The following CAST variants were observed in gnomAD, a reference collection of about 807,000 sequenced individuals.
CAST encodes the protein calpastatin.
CAST carries 76 observed loss-of-function variants against 119.6 expected under a neutral mutation model. The observed-to-expected ratio is 0.64, with a 90% confidence interval of 0.53 to 0.77. The LOEUF (loss-of-function observed/expected upper bound fraction) is 0.77, where lower values mean the gene tolerates loss of function less well. Among genes scored for constraint, CAST ranks in the 30% least tolerant of loss-of-function variants. The probability of loss-of-function intolerance (pLI) is 0.00; values close to 1 mark genes in which losing one functional copy is unlikely to be tolerated. For missense variants in CAST, 953 were observed against 946.5 expected (o/e 1.01, Z -0.09); for synonymous variants, 319 against 331.6 (o/e 0.96, Z 0.41).
the CAST span, among the ~76,000 whole-genome samples, chr5:96,424,288 C>A: frequency 6.6e-6 from 1 of 152,092 alleles, no homozygotes; most frequent in African/African-American, 2.4e-5. Flanking sequence ...GGTGGGGTGA[C>A]AAGTATTTGC....
chr5:96,510,352 A>G, the CAST span, among the ~76,000 whole-genome samples: 1 of 152,230 alleles, frequency 6.6e-6, no homozygotes, highest in Non-Finnish European at 1.5e-5. Context: ...AGTAAATACA[A>G]TTCACCCAGG....
chr5:96,166,701 T>C, the CAST span, among the ~76,000 whole-genome samples: 1 of 152,210 alleles, frequency 6.6e-6, no homozygotes, highest in Non-Finnish European at 1.5e-5. Context: ...TTGGCAATCA[T>C]GAGGTTCATT....
At chr5:96,046,065 A>G in the CAST span, among the ~76,000 whole-genome samples, 1 of 152,170 alleles carries the variant, frequency 6.6e-6, no homozygotes, top group African/African-American at 2.4e-5. Context: ...AAACAGAGCA[A>G]GTACAAAGTC....
chr5:96,470,775 T>C, the CAST span, among the ~76,000 whole-genome samples: 3 of 152,098 alleles, frequency 2.0e-5, no homozygotes, highest in African/African-American at 7.2e-5. Flanking sequence ...GAGAGAGTTG[T>C]GAACTATATT....
chr5:96,719,114 G>T lies in CAST; in HGVS notation c.211-3525G>T, dbSNP rs112958315. 3.3e-5 allele frequency among the ~76,000 whole-genome samples: 5 copies of T among 152,140 alleles called. No homozygotes were observed. The South Asian group carries it at 8.3e-4, about 25-fold the overall frequency. On this transcript the variant is annotated intron_variant, in intron 3 of 31. Transcript: ENST00000675179. ...TGTTCCATCAGCTACATGTAGTGGC[G>T]CAATGGATGAGCCCGCATCCTAGGA...
chr5:96,018,767 T>C, the CAST span, among the ~76,000 whole-genome samples: 1 of 152,338 alleles, frequency 6.6e-6, no homozygotes, highest in Non-Finnish European at 1.5e-5. Flanking sequence ...TGTAGTAAAG[T>C]ACTGATGTTT....
the CAST span, among the ~76,000 whole-genome samples, chr5:96,068,247 G>A: frequency 6.6e-6 from 1 of 152,012 alleles, no homozygotes; most frequent in African/African-American, 2.4e-5. Flanking sequence ...TCTGAACCCT[G>A]GTCTCTTAGA....
At chr5:95,990,847 TC>T in the CAST span, among the ~76,000 whole-genome samples, 1 of 152,086 alleles carries the variant, frequency 6.6e-6, no homozygotes, top group Non-Finnish European at 1.5e-5. Context: ...CAAGTGATAC[TC>T]CCACCTCAGC....
chr5:96,566,000 T>A (rs261225), intron 1 of CAST, among the ~76,000 whole-genome samples: 14,052 of 152,052 alleles, frequency 0.092, 1,147 homozygotes, highest in East Asian at 0.31. Flanking sequence ...AGGCGGAGAA[T>A]CATCAGCCCT....
the CAST span, among the ~76,000 whole-genome samples, chr5:96,036,671 G>A: frequency 6.6e-6 from 1 of 152,104 alleles, no homozygotes; most frequent in Non-Finnish European, 1.5e-5. Flanking sequence ...GTAAGACTTG[G>A]TTGCAGATTA....
chr5:96,152,829 T>C, the CAST span, among the ~76,000 whole-genome samples: 3 of 152,204 alleles, frequency 2.0e-5, no homozygotes, highest in African/African-American at 7.2e-5. Flanking sequence ...CTTTTTCCCA[T>C]TGGTGCAAAG....
chr5:96,590,323 G>A (rs757845362), intron 1 of CAST, among the ~76,000 whole-genome samples: 65 of 152,198 alleles, frequency 4.3e-4, no homozygotes, highest in Non-Finnish European at 7.8e-4. Flanking sequence ...AGTTAACATT[G>A]ATACTTGGAA....
chr5:96,052,077 T>C, the CAST span, among the ~76,000 whole-genome samples: 2 of 152,192 alleles, frequency 1.3e-5, no homozygotes, highest in Admixed American at 1.3e-4. Flanking sequence ...GAGTTATTGC[T>C]GATATCATTG....
At chr5:96,110,133 A>G in the CAST span, among the ~76,000 whole-genome samples, 506 of 152,334 alleles carry the variant, frequency 3.3e-3, 5 homozygotes, top group African/African-American at 0.011. Flanking sequence ...ATGGGGTGAC[A>G]TACAACACCA....
At chr5:96,577,973 C>G (rs1477340030) in intron 1 of CAST, among the ~76,000 whole-genome samples, 1 of 152,052 alleles carries the variant, frequency 6.6e-6, no homozygotes, top group African/African-American at 2.4e-5. Flanking sequence ...TTGTTCAGAT[C>G]TTCTATATCC....
the CAST span, among the ~76,000 whole-genome samples, chr5:96,164,705 C>T: frequency 3.9e-5 from 6 of 152,124 alleles, no homozygotes; most frequent in South Asian, 2.1e-4. Flanking sequence ...AGAAGGGAAG[C>T]GTGCAGAGAG....
At chr5:96,250,904 C>T in the CAST span, among the ~76,000 whole-genome samples, 1 of 152,058 alleles carries the variant, frequency 6.6e-6, no homozygotes. Context: ...ACAGGGAAGC[C>T]CTTACTTGGG....
chr5:96,607,211 C>T (rs1394808487), intron 1 of CAST, among the ~76,000 whole-genome samples: 5 of 152,236 alleles, frequency 3.3e-5, no homozygotes, highest in East Asian at 1.9e-4. Context: ...TGGAGGGAAC[C>T]CTGAAGGCGG....
the CAST span, among the ~76,000 whole-genome samples, chr5:96,123,227 G>C: frequency 6.6e-6 from 1 of 152,046 alleles, no homozygotes; most frequent in Non-Finnish European, 1.5e-5. Context: ...ATGACTTTAA[G>C]AGAAACACTC....
Sources: allele counts gnomAD v4.1 joint callset (sites outside exome capture counted in the v4.1 genomes callset), GRCh38; gene constraint gnomAD v4.1.1; transcripts MANE v1.5; gene names NCBI Gene and HGNC (gene_info 2026-07-23, HGNC 2026-07-21).